The following PLEKHA5 variants were observed in gnomAD, a reference collection of about 807,000 sequenced individuals.
The protein encoded by PLEKHA5 is pleckstrin homology domain-containing family A member 5.
Under a neutral mutation model 181.9 loss-of-function variants are expected in PLEKHA5, and 55 were observed. The ratio of observed to expected loss-of-function variants is 0.30; its 90% CI spans 0.24 to 0.38. The LOEUF (loss-of-function observed/expected upper bound fraction) is 0.38. Ranked by LOEUF, PLEKHA5 falls within the 10% of genes least tolerant of loss-of-function variation. The pLI, the probability that PLEKHA5 is intolerant of heterozygous loss-of-function variation, is 1.00. For missense variants in PLEKHA5, 1,432 were observed against 1,549.5 expected (o/e 0.92, Z 1.27); for synonymous variants, 535 against 529.4 (o/e 1.01, Z -0.15).
intron 3 of PLEKHA5, among the ~76,000 whole-genome samples, chr12:19,213,110 A>G (rs999222460): frequency 1.3e-5 from 2 of 152,124 alleles, no homozygotes; most frequent in African/African-American, 4.8e-5. Flanking sequence ...CTAAATCTTC[A>G]AAGAAGGTGA....
At chr12:19,287,639 T>G (rs2077505664) in intron 13 of PLEKHA5, 83 bp downstream of exon 13, 1 of 802,070 alleles carries the variant, frequency 1.2e-6, no homozygotes, top group South Asian at 1.6e-5. Flanking sequence ...TTTTTAAGTT[T>G]GAATTTTCAG....
At position 19,306,619 on chromosome 12, in the gene PLEKHA5, C is replaced by T. The variant is rs1592416293; in HGVS notation, c.2038-8195C>T. 3.0e-6 allele frequency: 3 copies of T among 1,010,158 alleles called. No homozygotes were observed. The East Asian group carries it at 7.3e-5, about 25-fold the overall frequency. 62.6% of individuals were successfully genotyped at this position (1,010,158 alleles called of 1,614,324 possible). On this transcript the variant is annotated intron_variant, in intron 15 of 31. Coordinates refer to ENST00000429027, the MANE Select transcript of PLEKHA5 (RefSeq NM_001256470.2). ...GCGGGCCCAGTAGCGGAGGTGGTGG[C>T]GGCGGTGGAGGCGGCGGCATCGAGG...
At chr12:19,231,606 A>ATGTC (rs1268323740) in intron 3 of PLEKHA5, among the ~76,000 whole-genome samples, 1 of 145,334 alleles carries the variant, frequency 6.9e-6, no homozygotes. Flanking sequence ...ACACATATAT[A>ATGTC]TATATAAATA....
At chr12:19,142,009 A>T (rs948868648) in intron 3 of PLEKHA5, among the ~76,000 whole-genome samples, 2 of 152,162 alleles carry the variant, frequency 1.3e-5, no homozygotes, top group African/African-American at 4.8e-5. Flanking sequence ...GCTCTAAAAA[A>T]GTTTGCCTCT....
chr12:19,209,085 T>C (rs990175042), intron 3 of PLEKHA5, among the ~76,000 whole-genome samples: 2 of 152,170 alleles, frequency 1.3e-5, no homozygotes, highest in Non-Finnish European at 2.9e-5. Context: ...GAATGTGTTA[T>C]AGCAAGTCTG....
In PLEKHA5 at chr12:19,363,297, G is replaced by A. The variant is rs145836627; in HGVS notation, c.3608+1591G>A. Among the ~76,000 whole-genome samples the A allele has an allele frequency of 6.7e-3, 1,017 of 151,086 alleles. 9 individuals are homozygous for A. The highest frequency in any genetic ancestry group is 0.023 in the African/African-American group (959 of 41,272). On this transcript the variant is annotated intron_variant, in intron 29 of 31. Coordinates refer to ENST00000429027, the MANE Select transcript of PLEKHA5 (RefSeq NM_001256470.2). ...CTCCTGAGTAGCTCAGACTACAGGC[G>A]CGTGTCACCACGCATGGCTAATTTT...
At chr12:19,300,502 G>T (rs764070445) in intron 15 of PLEKHA5, among the ~76,000 whole-genome samples, 1 of 152,156 alleles carries the variant, frequency 6.6e-6, no homozygotes, top group Non-Finnish European at 1.5e-5. Flanking sequence ...TAATTTTACA[G>T]TAGGTTTTGC....
At chr12:19,284,171 C>T (rs199590540) in intron 12 of PLEKHA5, among the ~76,000 whole-genome samples, 5 of 152,192 alleles carry the variant, frequency 3.3e-5, no homozygotes, top group South Asian at 2.1e-4. Flanking sequence ...CGGGCTCAAG[C>T]GATTCTCCTT....
chr12:19,320,291 T>C (rs947065876), intron 17 of PLEKHA5, among the ~76,000 whole-genome samples: 2 of 152,090 alleles, frequency 1.3e-5, no homozygotes, highest in Admixed American at 1.3e-4. Flanking sequence ...TGATGTAAGA[T>C]ACTGTATTAG....
intron 3 of PLEKHA5, chr12:19,149,503 CAAAAAAAAAAAAAA>C: frequency 4.4e-5 from 2 of 45,606 alleles, no homozygotes; most frequent in Admixed American, 4.8e-4. Flanking sequence ...GACTCCATCT[CAAAAAAAAAAAAAA>C]AAAAAAGAAA....
intron 26 of PLEKHA5, among the ~76,000 whole-genome samples, chr12:19,356,346 C>G (rs186435297): frequency 3.3e-5 from 5 of 151,942 alleles, no homozygotes; most frequent in Admixed American, 1.3e-4. Flanking sequence ...GAGACCCCAT[C>G]TCTACAAAAA....
chr12:19,281,495 C>T (rs1457332057), intron 11 of PLEKHA5, among the ~76,000 whole-genome samples: 5 of 151,580 alleles, frequency 3.3e-5, no homozygotes, highest in South Asian at 2.1e-4. Context: ...GAGAATCACT[C>T]GAACCTGAGA....
intron 16 of PLEKHA5, 45 bp from the exon 17 acceptor site, chr12:19,319,976 T>TC (rs1182205936): frequency 7.9e-7 from 1 of 1,263,198 alleles, no homozygotes; most frequent in South Asian, 1.4e-5. Flanking sequence ...CGAATGATTT[T>TC]CCTCTTTTCA....
At chr12:19,369,190 A>G (rs1044234856) in intron 30 of PLEKHA5, among the ~76,000 whole-genome samples, 1 of 151,814 alleles carries the variant, frequency 6.6e-6, no homozygotes, top group African/African-American at 2.4e-5. Context: ...ACGAGCTACC[A>G]TGTCTGACTA....
rs552482941 is a variant in PLEKHA5, at chr12:19,304,928, C to G, written c.2038-9886C>G. ...TGGCCAACATGGCGAAACCCCTTCT[C>G]TCTTTCTTTTTTTAAAATTTTTTAG... On this transcript the variant is annotated intron_variant, in intron 15 of 31. Transcript: ENST00000429027. Among the ~76,000 whole-genome samples, 56 of 152,184 alleles carry G rather than the reference C, an allele frequency of 3.7e-4. 2 individuals carry two copies. In the South Asian group the frequency reaches 0.012, roughly 32 times the overall value.
rs563928003 is a variant in PLEKHA5, at chr12:19,215,285, G to A, written c.228-38655G>A. On this transcript the variant is annotated intron_variant, in intron 3 of 31. Transcript: ENST00000429027. Reference sequence around the variant, plus strand: ...TAAGCTGGTTTAGGTTAGCCAGCTAGCCAAAAGTTTTTTTTTAAATGTAAA... The same window carrying A: ...TAAGCTGGTTTAGGTTAGCCAGCTAACCAAAAGTTTTTTTTTAAATGTAAA... 5.3e-5 allele frequency among the ~76,000 whole-genome samples: 8 copies of A among 152,244 alleles called. No homozygotes were observed. The South Asian group carries it at 1.7e-3, about 32-fold the overall frequency.
chr12:19,151,401 T>C (rs1309993028), intron 3 of PLEKHA5: 3 of 152,110 alleles, frequency 2.0e-5, no homozygotes, highest in Non-Finnish European at 4.4e-5. Context: ...TAAAGTTAAT[T>C]TGGGCATTGA....
intron 21 of PLEKHA5, 43 bp downstream of exon 21, chr12:19,336,659 A>G (rs375945396): frequency 1.3e-5 from 14 of 1,087,978 alleles, no homozygotes; most frequent in Non-Finnish European, 1.8e-5. Context: ...AACTGTTTTT[A>G]CTGGTACTGT....
chr12:19,283,187 T>C, intron 11 of PLEKHA5, 93 bp from the exon 12 acceptor site: 1 of 704,304 alleles, frequency 1.4e-6, no homozygotes, highest in Non-Finnish European at 2.3e-6. Context: ...TAATGTATAT[T>C]TTACTTACTG....
Sources: gnomAD v4.1 joint callset for allele counts (sites outside exome capture counted in the v4.1 genomes callset) on GRCh38, gnomAD v4.1.1 for gene constraint, MANE v1.5 for transcripts, NCBI Gene and HGNC (gene_info 2026-07-23, HGNC 2026-07-21) for gene names.